The following FAM200A variants were observed in gnomAD, a reference collection of about 807,000 sequenced individuals.
FAM200A encodes the protein protein FAM200A.
In FAM200A, 26 loss-of-function variants were observed where a neutral mutation model predicts 44.2. The observed-to-expected ratio is 0.59, with a 90% CI of 0.43 to 0.82. FAM200A has a LOEUF of 0.82. Among genes scored for constraint, FAM200A ranks in the 40% least tolerant of loss-of-function variants. The pLI, the probability that FAM200A is intolerant of heterozygous loss-of-function variation, is 0.00. For missense variants in FAM200A, 606 were observed against 669.5 expected, an observed-to-expected ratio of 0.91 and a Z score of 1.05; for synonymous variants, 206 against 244.4, an observed-to-expected ratio of 0.84 and a Z score of 1.47.
intron 1 of FAM200A, among the ~76,000 whole-genome samples, chr7:99,550,785 C>T (rs188215069): frequency 1.5e-4 from 23 of 152,120 alleles, no homozygotes; most frequent in Admixed American, 1.0e-3. Context: ...TCATTTAAAA[C>T]CCTTCCTGGC....
chr7:99,557,623 C>A (rs951556479), intron 1 of FAM200A, among the ~76,000 whole-genome samples: 1 of 152,124 alleles, frequency 6.6e-6, no homozygotes, highest in African/African-American at 2.4e-5. Flanking sequence ...GCACTGCAGA[C>A]TAGAGAGATT....
At chr7:99,555,168 T>C (rs1742243126), upstream of FAM200A, among the ~76,000 whole-genome samples, 1 of 152,096 alleles carries the variant, frequency 6.6e-6, no homozygotes, top group South Asian at 2.1e-4. Context: ...TGGATTAGGG[T>C]GGGTCCCTCA....
At position 99,546,700 on chromosome 7, in the gene FAM200A, G is replaced by A. The variant is rs1456033289; in HGVS notation, c.1708C>T (p.His570Tyr). 1.3e-6 allele frequency: 2 copies of A among 1,528,424 alleles called. No homozygotes were observed. Among genetic ancestry groups the A allele is most frequent in the Admixed American group, 2.2e-5 (1 of 45,724 alleles). 94.7% of individuals were successfully genotyped at this position (1,528,424 alleles called of 1,614,324 possible). ...AAAGTTTGTATTTAATGTGATGGGT[G>A]TGCTTGTCTGTTCATAAGTTCCTTC... ...DWKELMNRQAHPSH is the reference protein window; with the variant it reads ...DWKELMNRQAYPSH Residue 570 changes from histidine to tyrosine, a missense_variant, in exon 2 of 2, where the codon CAC becomes TAC. Transcript: ENST00000449309.
chr7:99,550,077 T>TAA (rs1241762043), intron 1 of FAM200A, among the ~76,000 whole-genome samples: 1 of 151,726 alleles, frequency 6.6e-6, no homozygotes. Flanking sequence ...AAAAAAAACT[T>TAA]AAAAAAAGTT....
In FAM200A at chr7:99,548,240, C is replaced by A; in HGVS notation, c.168G>T (p.Met56Ile). 1 of 1,610,274 alleles carries A rather than the reference C, an allele frequency of 6.2e-7. No homozygotes were observed. The highest frequency in any genetic ancestry group is 1.1e-5 in the South Asian group (1 of 90,434). ...ACGATGACAATAAGGCTCTCTCATTCATAGTTGTAGAGCGACTGAGAACTT... is the reference window on the plus strand; with the variant it reads ...ACGATGACAATAAGGCTCTCTCATTAATAGTTGTAGAGCGACTGAGAACTT... ...SPQVLSRSTT[M>I]NERALLSSYL... Residue 56 changes from methionine to isoleucine, a missense_variant, in exon 2 of 2, where the codon ATG becomes ATT. Transcript: ENST00000449309.
Position 99,546,708 on chromosome 7 carries a change from CT to C in FAM200A, c.1699del (p.Arg567AspfsTer26). The C allele has an allele frequency of 6.5e-7, 1 of 1,532,724 alleles. No individual in the cohort carries two copies. Among genetic ancestry groups the C allele is most frequent in the South Asian group, 1.2e-5 (1 of 80,500 alleles). 94.9% of individuals were successfully genotyped at this position (1,532,724 alleles called of 1,614,324 possible). ...CVPDWKELMN[R>X]QAHPSH ...TATTTAATGTGATGGGTGTGCTTGT[CT>C]GTTCATAAGTTCCTTCCAGTCAGGA... On this transcript the variant is annotated frameshift_variant, in exon 2 of 2. Transcript: ENST00000449309. LOFTEE classifies it high-confidence loss of function.
chr7:99,553,099 A>ATTTTTT (rs576289512), upstream of FAM200A, among the ~76,000 whole-genome samples: 8 of 61,398 alleles, frequency 1.3e-4, no homozygotes, highest in East Asian at 6.1e-4. Flanking sequence ...ATATATATAT[A>ATTTTTT]TTTTTTTTTT....
upstream of FAM200A, chr7:99,552,257 G>C (rs908261807): frequency 1.3e-6 from 1 of 783,056 alleles, no homozygotes; most frequent in African/African-American, 1.9e-5. Context: ...TGTCCGCTCC[G>C]AGGAGGTGCA....
chr7:99,553,663 T>C (rs1437644249), upstream of FAM200A, among the ~76,000 whole-genome samples: 1 of 152,240 alleles, frequency 6.6e-6, no homozygotes, highest in Non-Finnish European at 1.5e-5. Context: ...TAATAGAGGC[T>C]ACTCCTGTAT....
rs1802548992 is a variant in FAM200A at position 99,552,080 on chromosome 7, G to GC, written c.-327dup. The GC allele has an allele frequency of 1.0e-6, 1 of 985,368 alleles. No homozygotes were observed. Among genetic ancestry groups the GC allele is most frequent in the Admixed American group, 6.1e-5 (1 of 16,276 alleles). 61.0% of individuals were successfully genotyped at this position (985,368 alleles called of 1,614,324 possible). ...CCAGGAGCACTAGACTCACATCCAA[G>GC]CCCCCTGGCCTTCAGAGCCCAGGGA... On this transcript the variant is annotated 5_prime_UTR_variant, in exon 1 of 2. Coordinates refer to ENST00000449309, the MANE Select transcript of FAM200A (RefSeq NM_145111.4).
Position 99,547,403 on chromosome 7 carries a change from A to G in FAM200A, c.1005T>C (p.Phe335=). ...ATTTTGTTACCCAAATGTCGTCTTC[A>G]AAAATATTTGCCAAATGAGATTGCT... ...VEKQSHLANI[F]EDDIWVTKLA... Residue 335 remains phenylalanine, a synonymous_variant, in exon 2 of 2, where the codon TTT becomes TTC. Coordinates refer to ENST00000449309, the MANE Select transcript of FAM200A (RefSeq NM_145111.4). The G allele has an allele frequency of 6.4e-7, 1 of 1,551,314 alleles. No homozygotes were observed. Among genetic ancestry groups the G allele is most frequent in the Non-Finnish European group, 8.7e-7 (1 of 1,146,924 alleles).
At chr7:99,556,787 G>A (rs1256230495), upstream of FAM200A, among the ~76,000 whole-genome samples, 1 of 152,174 alleles carries the variant, frequency 6.6e-6, no homozygotes, top group Non-Finnish European at 1.5e-5. Context: ...TGTAATCCCA[G>A]CACTTTGGGA....
chr7:99,554,169 C>T (rs1371066274), upstream of FAM200A, among the ~76,000 whole-genome samples: 1 of 152,132 alleles, frequency 6.6e-6, no homozygotes, highest in Non-Finnish European at 1.5e-5. Flanking sequence ...GTGAGAGTTA[C>T]ATCAGCCTTG....
At chr7:99,551,609 T>A (rs2151130797) in intron 1 of FAM200A, among the ~76,000 whole-genome samples, 1 of 152,320 alleles carries the variant, frequency 6.6e-6, no homozygotes. Context: ...CCAATGGCAC[T>A]TGGTATCGTG....
At chr7:99,551,417 A>G (rs952632644) in intron 1 of FAM200A, among the ~76,000 whole-genome samples, 1 of 152,208 alleles carries the variant, frequency 6.6e-6, no homozygotes, top group Middle Eastern at 3.4e-3. Context: ...GGCTGATCTC[A>G]GAACTCCTGG....
chr7:99,547,047 T>C lies in FAM200A; in HGVS notation c.1361A>G (p.Asp454Gly), dbSNP rs368064211. The change falls in exon 2 of 2, where the codon GAT becomes GGT. Residue 454 changes from aspartate to glycine, a missense_variant. Transcript: ENST00000449309. Reference sequence around the variant, plus strand: ...TTCTGGGTTTTGAAAAGCAAATGGATCTTTCATCCAAATATTTTCCTTTAA... The same window carrying C: ...TTCTGGGTTTTGAAAAGCAAATGGACCTTTCATCCAAATATTTTCCTTTAA... The part of the protein sequence containing the change: ...ESLKENIWMK[D>G]PFAFQNPESI... 3 of 1,545,948 alleles carry C rather than the reference T, an allele frequency of 1.9e-6. No individual in the cohort carries two copies. The highest frequency in any genetic ancestry group is 2.6e-6 in the Non-Finnish European group (3 of 1,145,736).
At chr7:99,556,719 T>A (rs1264330813), upstream of FAM200A, among the ~76,000 whole-genome samples, 1 of 152,196 alleles carries the variant, frequency 6.6e-6, no homozygotes, top group African/African-American at 2.4e-5. Flanking sequence ...AACTTTAGAA[T>A]CAGTTTGTTA....
In FAM200A at chr7:99,549,359, A is replaced by T. The variant is rs1212942947; in HGVS notation, c.-99-853T>A. Reference sequence around the variant, plus strand: ...ACTGCAATATTTCACCATTCATGTGAGTTTAGTGGATTTAAAGATATTACC... The same window carrying T: ...ACTGCAATATTTCACCATTCATGTGTGTTTAGTGGATTTAAAGATATTACC... On this transcript the variant is annotated intron_variant, in intron 1 of 1. Transcript: ENST00000449309. Among the ~76,000 whole-genome samples, 3 of 151,906 alleles carry T rather than the reference A, an allele frequency of 2.0e-5. No homozygotes were observed. In the East Asian group the frequency reaches 5.8e-4, roughly 30 times the overall value.
chr7:99,558,213 G>A (rs1802762729), intron 1 of FAM200A: 1 of 152,210 alleles, frequency 6.6e-6, no homozygotes, highest in African/African-American at 2.4e-5. Context: ...TGTCAGCGTT[G>A]TACTACACTC....
Sources: gnomAD v4.1 joint callset for allele counts (sites outside exome capture counted in the v4.1 genomes callset) on GRCh38, gnomAD v4.1.1 for gene constraint, MANE v1.5 for transcripts, NCBI Gene and HGNC (gene_info 2026-07-23, HGNC 2026-07-21) for gene names.